Variants in FGF12 observed in about 807,000 individuals in gnomAD.
FGF12 encodes the protein fibroblast growth factor 12B.
In FGF12, 14 loss-of-function variants were observed where a neutral mutation model predicts 23.6. The ratio of observed to expected loss-of-function variants is 0.59; its 90% CI spans 0.39 to 0.93. FGF12 has a LOEUF of 0.93. Ranked by LOEUF, FGF12 falls within the 40% of genes least tolerant of loss-of-function variation. The probability of loss-of-function intolerance (pLI) is 0.00; values close to 1 mark genes in which losing one functional copy is unlikely to be tolerated. For missense variants in FGF12, 175 were observed against 217.8 expected (o/e 0.80, Z 1.24); for synonymous variants, 62 against 77.3 (o/e 0.80, Z 1.04).
At chr3:192,575,480 C>G (rs1472021289) in intron 2 of FGF12, among the ~76,000 whole-genome samples, 1 of 152,046 alleles carries the variant, frequency 6.6e-6, no homozygotes, top group Non-Finnish European at 1.5e-5. Flanking sequence ...GAAGGGCTAA[C>G]ACAGCAACAT....
At position 192,253,113 on chromosome 3, in the gene FGF12, A is replaced by G. The variant is rs1012062403; in HGVS notation, c.228+82248T>C. On this transcript the variant is annotated intron_variant, in intron 4 of 5. Transcript: ENST00000445105. ...CTCTCTACTTTTCACTGAAGGAAAA[A>G]TATGTTCTGACTCTGGATGAGGAGA... Among the ~76,000 whole-genome samples the G allele has an allele frequency of 5.9e-5, 9 of 152,254 alleles. No homozygotes were observed. In the East Asian group the frequency reaches 1.7e-3, roughly 29 times the overall value.
intron 4 of FGF12, among the ~76,000 whole-genome samples, chr3:192,235,858 T>G (rs1377742519): frequency 6.6e-6 from 1 of 152,206 alleles, no homozygotes; most frequent in Non-Finnish European, 1.5e-5. Context: ...TTAATTTCAT[T>G]CAGTTCATCT....
intron 2 of FGF12, among the ~76,000 whole-genome samples, chr3:192,720,413 G>A (rs1719001332): frequency 6.6e-6 from 1 of 152,128 alleles, no homozygotes; most frequent in African/African-American, 2.4e-5. Flanking sequence ...TCCCTGGGTG[G>A]GAGTCTCACA....
At chr3:192,665,145 T>C (rs1160048200) in intron 2 of FGF12, among the ~76,000 whole-genome samples, 1 of 152,136 alleles carries the variant, frequency 6.6e-6, no homozygotes, top group Non-Finnish European at 1.5e-5. Context: ...ACAAAATATT[T>C]CTTAAATGCA....
At chr3:192,191,215 C>T (rs192873618) in intron 4 of FGF12, among the ~76,000 whole-genome samples, 5 of 152,168 alleles carry the variant, frequency 3.3e-5, no homozygotes, top group Non-Finnish European at 7.4e-5. Context: ...GGCCAGGGAT[C>T]CCAGGGGAAA....
At chr3:192,376,536 AT>A (rs1413181645) in intron 2 of FGF12, among the ~76,000 whole-genome samples, 1 of 151,674 alleles carries the variant, frequency 6.6e-6, no homozygotes, top group Non-Finnish European at 1.5e-5. Context: ...CTAATTTTGT[AT>A]TTTTAGTAGA....
At chr3:192,311,891 G>T (rs537010400) in intron 4 of FGF12, among the ~76,000 whole-genome samples, 1 of 151,872 alleles carries the variant, frequency 6.6e-6, no homozygotes, top group South Asian at 2.1e-4. Context: ...GATGGCTAAT[G>T]GTGTTGAGTA....
rs533517746 is a variant in FGF12, at chr3:192,231,667, G to A, written c.229-61011C>T. Among the ~76,000 whole-genome samples the A allele has an allele frequency of 1.3e-3, 195 of 152,128 alleles. 1 individual carries two copies. In the Middle Eastern group the frequency reaches 0.017, roughly 13 times the overall value. On this transcript the variant is annotated intron_variant, in intron 4 of 5. Coordinates refer to ENST00000445105, the MANE Select transcript of FGF12 (RefSeq NM_004113.6). ...TGCCTGTAATCCCAGCTACTTAGGAGGCTGAGGCAGGAGAATCGCTTGAAC... is the reference window on the plus strand; with the variant it reads ...TGCCTGTAATCCCAGCTACTTAGGAAGCTGAGGCAGGAGAATCGCTTGAAC...
At chr3:192,320,932 T>C (rs895058909) in intron 4 of FGF12, among the ~76,000 whole-genome samples, 2 of 151,570 alleles carry the variant, frequency 1.3e-5, no homozygotes, top group African/African-American at 4.8e-5. Flanking sequence ...AACCCAAAAT[T>C]AGGAGAAGAA....
intron 2 of FGF12, among the ~76,000 whole-genome samples, chr3:192,549,872 C>A (rs1051324554): frequency 1.2e-4 from 19 of 152,100 alleles, no homozygotes; most frequent in African/African-American, 4.3e-4. Context: ...CATTAGCATT[C>A]CTGGTATTCA....
At position 192,335,387 on chromosome 3, in the gene FGF12, T is replaced by C; in HGVS notation, c.202A>G (p.Asn68Asp). 6.2e-7 allele frequency: 1 copy of C among 1,612,810 alleles called. No individual in the cohort carries two copies. The highest frequency in any genetic ancestry group is 8.5e-7 in the Non-Finnish European group (1 of 1,179,134). ...GAACTGTAGAGATAGCCTTCACCAT[T>C]CATGGCCACATAGAGGCTAGCCTTC... is the stretch of plus-strand genomic sequence containing the variant. ...GVKASLYVAM[N>D]GEGYLYSSDV... The change falls in exon 4 of 6, where the codon AAT (asparagine) becomes GAT (aspartate). Residue 68 changes from asparagine to aspartate, a missense_variant. Transcript: ENST00000445105.
chr3:192,628,019 T>C (rs2108653401), intron 2 of FGF12, among the ~76,000 whole-genome samples: 1 of 152,260 alleles, frequency 6.6e-6, no homozygotes, highest in South Asian at 2.1e-4. Flanking sequence ...CCAACTGATC[T>C]CTAACCTCTG....
rs186809999 is a variant in FGF12, at chr3:192,685,438, T to G, written c.13+41743A>C. On this transcript the variant is annotated intron_variant, in intron 2 of 5. Transcript: ENST00000445105. ...AAATTATACTCAACAAGCATTTGAG[T>G]GCTCACAACCAAATAACAAAGGCAC... 1.8e-3 allele frequency among the ~76,000 whole-genome samples: 270 copies of G among 152,300 alleles called. 1 individual carries two copies. Among genetic ancestry groups the G allele is most frequent in the African/African-American group, 6.3e-3 (262 of 41,562 alleles).
chr3:192,656,901 A>G (rs1433163989), intron 2 of FGF12, among the ~76,000 whole-genome samples: 1 of 152,198 alleles, frequency 6.6e-6, no homozygotes, highest in East Asian at 1.9e-4. Context: ...ATTGGCAAGT[A>G]CAATGTGAAA....
At chr3:192,573,265 T>TATA (rs1253275980) in intron 2 of FGF12, among the ~76,000 whole-genome samples, 54 of 152,000 alleles carry the variant, frequency 3.6e-4, no homozygotes, top group African/African-American at 1.3e-3. Flanking sequence ...GGATAGTCAA[T>TATA]ATACCTGTGA....
chr3:192,276,062 A>G (rs371766194), intron 4 of FGF12, among the ~76,000 whole-genome samples: 1 of 152,356 alleles, frequency 6.6e-6, no homozygotes, highest in African/African-American at 2.4e-5. Context: ...TAGATTATCA[A>G]TGTTAACAGT....
At chr3:192,374,419 T>C (rs1327905580) in intron 2 of FGF12, among the ~76,000 whole-genome samples, 2 of 152,240 alleles carry the variant, frequency 1.3e-5, no homozygotes, top group African/African-American at 4.8e-5. Context: ...CATCTATATG[T>C]ACCACGTAGG....
chr3:192,419,388 T>G (rs146915858), intron 2 of FGF12, among the ~76,000 whole-genome samples: 1 of 152,234 alleles, frequency 6.6e-6, no homozygotes, highest in African/African-American at 2.4e-5. Context: ...TTTGAAGAAC[T>G]TGAGTATTGT....
In FGF12 at chr3:192,690,985, C is replaced by G. The variant is rs569124956; in HGVS notation, c.13+36196G>C. On this transcript the variant is annotated intron_variant, in intron 2 of 5. Transcript: ENST00000445105. Reference sequence around the variant, plus strand: ...AAGGGGTCAATGCATCAAGAGTCTACCACAATGATAAATATATAGGTATCC... The same window carrying G: ...AAGGGGTCAATGCATCAAGAGTCTAGCACAATGATAAATATATAGGTATCC... 2.0e-5 allele frequency among the ~76,000 whole-genome samples: 3 copies of G among 151,998 alleles called. 1 individual carries two copies. The East Asian group carries it at 5.8e-4, about 29-fold the overall frequency.
Sources: allele counts gnomAD v4.1 joint callset (sites outside exome capture counted in the v4.1 genomes callset), GRCh38; gene constraint gnomAD v4.1.1; transcripts MANE v1.5; gene names NCBI Gene and HGNC (gene_info 2026-07-23, HGNC 2026-07-21).